The following NAA38 variants were observed in gnomAD, a reference collection of about 807,000 sequenced individuals.
NAA38 encodes the protein LSM domain containing 1.
Under a neutral mutation model 12.6 loss-of-function variants are expected in NAA38, and 15 were observed. The observed-to-expected ratio is 1.19, with a 90% CI of 0.79 to 1.83. NAA38 has a LOEUF of 1.83. NAA38 is among the 40% of genes most tolerant of loss of function. The pLI is 0.00. For synonymous variants in NAA38, 88 were observed against 69.9 expected, an observed-to-expected ratio of 1.26 and a Z score of -1.29; for missense variants, 183 against 171.7, an observed-to-expected ratio of 1.07 and a Z score of -0.37.
intron 2 of NAA38, among the ~76,000 whole-genome samples, chr17:7,878,964 TATAAC>T (rs1361718407): frequency 6.6e-6 from 1 of 151,158 alleles, no homozygotes; most frequent in Admixed American, 6.6e-5. Context: ...TAACATAATT[TATAAC>T]ATAAAATATA....
chr17:7,858,920 G>A (rs1468468133), upstream of NAA38: 3 of 1,169,236 alleles, frequency 2.6e-6, no homozygotes, highest in Non-Finnish European at 3.5e-6. Context: ...CATAACCGGT[G>A]GGAGTGTATT....
At chr17:7,858,079 C>T (rs1903733509), upstream of NAA38, 1 of 1,603,584 alleles carries the variant, frequency 6.2e-7, no homozygotes, top group East Asian at 2.2e-5. Context: ...GTAGTGAGTA[C>T]GTGCTGAGGA....
intron 3 of NAA38, chr17:7,866,227 C>T (rs1966972852): frequency 8.3e-6 from 2 of 240,568 alleles, no homozygotes; most frequent in Admixed American, 5.7e-5. Context: ...GCTGGGACTA[C>T]AGATGCCCGC....
upstream of NAA38, chr17:7,858,120 G>C (rs781637256): frequency 1.2e-6 from 2 of 1,612,838 alleles, no homozygotes; most frequent in South Asian, 1.1e-5. Context: ...TCCAGTGACC[G>C]ACAGAGCAAG....
chr17:7,882,166 GCCA>G (rs954960662), intron 2 of NAA38, among the ~76,000 whole-genome samples: 2 of 152,132 alleles, frequency 1.3e-5, no homozygotes, highest in African/African-American at 4.8e-5. Flanking sequence ...GATGCACACG[GCCA>G]CCTTTAGCCA....
rs1163450836 is a variant in NAA38 at position 7,857,550 on chromosome 17, C to T, written c.-87G>A. On this transcript the variant is annotated 5_prime_UTR_variant, in exon 1 of 3. Transcript: ENST00000575771. ...GAGATCTCGCGAGCGCTCCCGACCT[C>T]TTTCCTTTCGCGAGATCCCCTCTCC... 3 of 1,436,296 alleles carry T rather than the reference C, an allele frequency of 2.1e-6. No homozygotes were observed. Among genetic ancestry groups the T allele is most frequent in the East Asian group, 2.5e-5 (1 of 39,530 alleles). The allele number at this position is 1,436,296 out of a possible 1,614,324, so 89.0% of individuals were successfully genotyped here. A position where few individuals can be genotyped will look rare whatever the true frequency, so the allele number is the denominator to read the frequency against.
At position 7,857,101 on chromosome 17, in the gene NAA38, C is replaced by A. The variant is rs767483490; in HGVS notation, c.179G>T (p.Gly60Val). The change falls in exon 2 of 3, where the codon GGA becomes GTA. Residue 60 changes from glycine to valine, a missense_variant. Coordinates refer to ENST00000575771, the MANE Select transcript of NAA38 (RefSeq NM_001320925.4). ...GAGGAAGCAGCCGACCAGTGTCCGT[C>A]CATCTGTCATGCGAATGCGCATAGT... ...NKTMRIRMTD[G>V]RTLVGCFLCT... The A allele has an allele frequency of 1.2e-6, 2 of 1,613,556 alleles. No homozygotes were observed. Among genetic ancestry groups the A allele is most frequent in the Non-Finnish European group, 8.5e-7 (1 of 1,180,048 alleles).
intron 2 of NAA38, chr17:7,866,641 T>C (rs1336666751): frequency 2.3e-5 from 15 of 644,580 alleles, no homozygotes; most frequent in Admixed American, 8.7e-5. Context: ...CACTCTTCAG[T>C]TGGCCACCTG....
intron 2 of NAA38, among the ~76,000 whole-genome samples, chr17:7,872,166 T>C (rs1967096406): frequency 6.6e-6 from 1 of 152,244 alleles, no homozygotes; most frequent in African/African-American, 2.4e-5. Context: ...CTTTTAACTT[T>C]ATGTTTTCTT....
chr17:7,868,847 A>G (rs2151389773), intron 2 of NAA38, among the ~76,000 whole-genome samples: 1 of 152,342 alleles, frequency 6.6e-6, no homozygotes, highest in African/African-American at 2.4e-5. Context: ...CAACCTAACA[A>G]TAGTGTTTAT....
upstream of NAA38, chr17:7,858,947 G>C (rs1009257084): frequency 3.4e-6 from 3 of 889,502 alleles, no homozygotes; most frequent in Non-Finnish European, 4.9e-6. Flanking sequence ...CCTTTACATT[G>C]AGGCAACTGA....
At chr17:7,876,093 A>G (rs1730953461) in intron 2 of NAA38, among the ~76,000 whole-genome samples, 1 of 152,192 alleles carries the variant, frequency 6.6e-6, no homozygotes, top group African/African-American at 2.4e-5. Flanking sequence ...GCTTCTATGA[A>G]TATTCATGCA....
At chr17:7,867,879 G>A (rs1370745454) in intron 2 of NAA38, among the ~76,000 whole-genome samples, 2 of 152,162 alleles carry the variant, frequency 1.3e-5, no homozygotes, top group African/African-American at 4.8e-5. Flanking sequence ...AAGGCAAAGG[G>A]AGGAGTCAAG....
At chr17:7,859,355 G>C (rs767049704), upstream of NAA38, 7 of 1,587,534 alleles carry the variant, frequency 4.4e-6, no homozygotes, top group East Asian at 2.2e-5. Context: ...CAGAATTCTG[G>C]GGGTGGGGTG....
chr17:7,866,931 C>T (rs1001472853), intron 2 of NAA38, among the ~76,000 whole-genome samples: 72 of 152,238 alleles, frequency 4.7e-4, no homozygotes, highest in African/African-American at 1.6e-3. Context: ...GTGAATGCTA[C>T]AAAAGAGCTA....
upstream of NAA38, chr17:7,859,704 C>A: frequency 8.7e-7 from 1 of 1,152,748 alleles, no homozygotes; most frequent in Admixed American, 1.8e-5. Flanking sequence ...CGAGGGGTGC[C>A]TGGACCCAGA....
intron 2 of NAA38, 73 bp from the exon 3 acceptor site, chr17:7,856,916 C>A (rs2078822297): frequency 6.3e-7 from 1 of 1,591,648 alleles, no homozygotes; most frequent in African/African-American, 1.3e-5. Context: ...CGAAAACGAG[C>A]CCCAGAAAAC....
In NAA38 at chr17:7,857,016, C is replaced by T. The variant is rs202083310; in HGVS notation, c.264G>A (p.Ser88=). ...GGTGTGCATTCCCCGGGCACTGACCCGACGGCTTGAGGAACTCCTGCGCCG... is the reference window on the plus strand; with the variant it reads ...GGTGTGCATTCCCCGGGCACTGACCTGACGGCTTGAGGAACTCCTGCGCCG... ...LGSAQEFLKP[S]DSFSAGEPRV... is the part of the protein sequence containing the mutation. Residue 88 remains serine (S), a splice_region_variant and synonymous_variant, in exon 2 of 3, where the codon TCG becomes TCA. Transcript: ENST00000575771. The T allele has an allele frequency of 6.2e-7, 1 of 1,603,520 alleles. No homozygotes were observed. The highest frequency in any genetic ancestry group is 8.5e-7 in the Non-Finnish European group (1 of 1,172,444).
chr17:7,857,857 C>T (rs1429673044), upstream of NAA38: 4 of 1,378,834 alleles, frequency 2.9e-6, no homozygotes, highest in African/African-American at 2.9e-5. Flanking sequence ...TTCTCTGCCC[C>T]ACCCCGCAAC....
Sources: gnomAD v4.1 joint callset for allele counts (sites outside exome capture counted in the v4.1 genomes callset) on GRCh38, gnomAD v4.1.1 for gene constraint, MANE v1.5 for transcripts, NCBI Gene and HGNC (gene_info 2026-07-23, HGNC 2026-07-21) for gene names.